The following CDH19 variants were observed in gnomAD, a reference collection of about 807,000 sequenced individuals.
CDH19 encodes the protein cadherin-19.
In CDH19, 67 loss-of-function variants were observed where a neutral mutation model predicts 64.2. The ratio of observed to expected loss-of-function variants is 1.04; its 90% CI spans 0.86 to 1.28. The LOEUF (loss-of-function observed/expected upper bound fraction) is 1.28, where lower values mean the gene tolerates loss of function less well. CDH19 is among the 50% of genes most tolerant of loss of function. CDH19 has a pLI of 0.00. For missense variants in CDH19, 1,030 were observed against 929.0 expected (o/e 1.11, Z -1.41); for synonymous variants, 346 against 319.3 (o/e 1.08, Z -0.89).
rs180973623 is a variant in CDH19, at chr18:66,537,689, C to T, written c.1215-2582G>A. ...ACAAGATGCTCCAGGATGATCTTGT[C>T]GTTTCCTTACAACAGCTCTGGATTC... is the stretch of plus-strand genomic sequence containing the variant. On this transcript the variant is annotated intron_variant, in intron 7 of 11. Transcript: ENST00000262150. 1.5e-4 allele frequency among the ~76,000 whole-genome samples: 23 copies of T among 152,058 alleles called. No homozygotes were observed. The East Asian group carries it at 3.5e-3, about 23-fold the overall frequency.
intron 3 of CDH19, among the ~76,000 whole-genome samples, chr18:66,561,701 C>G (rs1987729640): frequency 6.6e-6 from 1 of 151,972 alleles, no homozygotes; most frequent in Non-Finnish European, 1.5e-5. Context: ...ATCAAAATGA[C>G]TTGTAGTTTG....
intron 1 of CDH19, among the ~76,000 whole-genome samples, chr18:66,594,978 A>C (rs1415459455): frequency 1.3e-5 from 2 of 151,730 alleles, no homozygotes; most frequent in Admixed American, 6.6e-5. Context: ...CATATTGTGC[A>C]CATGTACCCT....
At chr18:66,547,894 C>T (rs150701559) in intron 5 of CDH19, among the ~76,000 whole-genome samples, 2,179 of 142,828 alleles carry the variant, frequency 0.015, 112 homozygotes, top group African/African-American at 0.057. Flanking sequence ...GTCTCGATCT[C>T]CTGACCTCGT....
intron 3 of CDH19, among the ~76,000 whole-genome samples, chr18:66,559,557 A>G (rs1377128894): frequency 6.6e-6 from 1 of 151,786 alleles, no homozygotes; most frequent in Non-Finnish European, 1.5e-5. Context: ...ATTAAAGTTA[A>G]TAATATTTTC....
At chr18:66,506,864 T>C (rs1211851128) in intron 11 of CDH19, among the ~76,000 whole-genome samples, 1 of 151,974 alleles carries the variant, frequency 6.6e-6, no homozygotes, top group Non-Finnish European at 1.5e-5. Flanking sequence ...TTAAAATATC[T>C]AAATTAAATA....
chr18:66,533,213 TACAC>T (rs35376051), intron 8 of CDH19, among the ~76,000 whole-genome samples: 116 of 148,936 alleles, frequency 7.8e-4, no homozygotes, highest in East Asian at 3.8e-3. Context: ...TAGGATTTAT[TACAC>T]ACACACACAC....
At position 66,544,798 on chromosome 18, in the gene CDH19, C is replaced by T; in HGVS notation, c.881G>A (p.Ser294Asn). 1.2e-6 allele frequency: 2 copies of T among 1,612,332 alleles called. No homozygotes were observed. Among genetic ancestry groups the T allele is most frequent in the South Asian group, 1.1e-5 (1 of 91,022 alleles). ...TGTTTGCGAATCATCCTCTTCAATG[C>T]TGTAATCCATTTCTGCATTCTCTCC... ...DIGENAEMDYSIEEDDSQTFD... is the reference protein window; with the variant it reads ...DIGENAEMDYNIEEDDSQTFD... The change falls in exon 6 of 12, where the codon AGC becomes AAC. Residue 294 changes from serine to asparagine, a missense_variant. Ser to Asn is a conservative substitution (Grantham distance 46). Transcript: ENST00000262150.
chr18:66,568,617 C>T lies in CDH19; in HGVS notation c.289G>A (p.Gly97Ser). The change falls in exon 3 of 12, where the codon GGT becomes AGT. Residue 97 changes from glycine (G) to serine (S), a missense_variant. Gly to Ser is a moderately conservative substitution (Grantham distance 56). Coordinates refer to ENST00000262150, the MANE Select transcript of CDH19 (RefSeq NM_021153.4). The part of the protein sequence containing the change: ...GSTFIIDERT[G>S]DIYAIQKLDR... ...AGCTTCTGTATGGCATATATGTCAC[C>T]TGTTCTTTCATCAATGATAAAAGTA... 6.2e-7 allele frequency: 1 copy of T among 1,611,872 alleles called. No homozygotes were observed. The highest frequency in any genetic ancestry group is 8.5e-7 in the Non-Finnish European group (1 of 1,178,632).
intron 7 of CDH19, among the ~76,000 whole-genome samples, chr18:66,542,457 C>T (rs1263807799): frequency 3.9e-5 from 6 of 152,028 alleles, no homozygotes; most frequent in Middle Eastern, 6.3e-3. Flanking sequence ...TTTTTATGCC[C>T]AACCAGACTA....
At chr18:66,573,924 A>ACAC (rs1988187562) in intron 1 of CDH19, among the ~76,000 whole-genome samples, 2 of 125,264 alleles carry the variant, frequency 1.6e-5, no homozygotes, top group African/African-American at 2.7e-5. Flanking sequence ...CACACACACA[A>ACAC]GTATACATGT....
At chr18:66,530,078 A>C (rs1485118499) in intron 8 of CDH19, 112 bp from the exon 9 acceptor site, 1 of 454,882 alleles carries the variant, frequency 2.2e-6, no homozygotes, top group African/African-American at 2.1e-5. Flanking sequence ...TTTACTTGAA[A>C]AAAGCAATCT....
At chr18:66,553,210 T>G (rs1257133311) in intron 4 of CDH19, among the ~76,000 whole-genome samples, 3 of 134,828 alleles carry the variant, frequency 2.2e-5, no homozygotes, top group African/African-American at 6.8e-5. Flanking sequence ...ATCTTGTTTT[T>G]GTTACTATTA....
chr18:66,508,399 G>A (rs201678836), intron 11 of CDH19, among the ~76,000 whole-genome samples: 28 of 147,592 alleles, frequency 1.9e-4, no homozygotes, highest in Admixed American at 6.1e-4. Context: ...TTACTGCGCT[G>A]TTTTTTTTTT....
At chr18:66,516,060 G>A (rs1393453671) in intron 9 of CDH19, among the ~76,000 whole-genome samples, 1 of 151,814 alleles carries the variant, frequency 6.6e-6, no homozygotes, top group Non-Finnish European at 1.5e-5. Flanking sequence ...AAATATTGGG[G>A]GGTCAGAGAA....
chr18:66,587,431 C>T (rs570455218), intron 1 of CDH19, among the ~76,000 whole-genome samples: 8 of 152,056 alleles, frequency 5.3e-5, no homozygotes, highest in Admixed American at 2.6e-4. Context: ...ATAAACTGTC[C>T]CTAAATTCTG....
Position 66,502,536 on chromosome 18 carries a change from C to G in CDH19, c.*2276G>C, listed in dbSNP as rs73966214. On this transcript the variant is annotated 3_prime_UTR_variant, in exon 12 of 12. Coordinates refer to ENST00000262150, the MANE Select transcript of CDH19 (RefSeq NM_021153.4). ...GTCTATTTTCCATGAATTCTTCCATCTGTTGTTTATCATACTTTTTAGTTT... is the reference window on the plus strand; with the variant it reads ...GTCTATTTTCCATGAATTCTTCCATGTGTTGTTTATCATACTTTTTAGTTT... 6.6e-6 allele frequency: 1 copy of G among 151,928 alleles called. No individual in the cohort carries two copies. Among genetic ancestry groups the G allele is most frequent in the South Asian group, 2.1e-4 (1 of 4,832 alleles). 9.4% of individuals were successfully genotyped at this position (151,928 alleles called of 1,614,324 possible).
chr18:66,522,288 G>C (rs935169359), intron 9 of CDH19, among the ~76,000 whole-genome samples: 2 of 151,270 alleles, frequency 1.3e-5, no homozygotes, highest in Non-Finnish European at 2.9e-5. Context: ...TGTTACCCAG[G>C]CTGGAGTGCA....
At chr18:66,572,366 C>A (rs1044951934) in intron 1 of CDH19, 50 bp from the exon 2 acceptor site, 2 of 480,006 alleles carry the variant, frequency 4.2e-6, no homozygotes, top group African/African-American at 1.9e-5. Context: ...ATAACATTTT[C>A]TCACATAATT....
intron 1 of CDH19, among the ~76,000 whole-genome samples, chr18:66,601,135 GTTTATC>G (rs1194160737): frequency 4.6e-5 from 7 of 151,672 alleles, no homozygotes; most frequent in African/African-American, 1.7e-4. Context: ...TACATTTTAT[GTTTATC>G]TTTATGTTTA....
Sources: allele counts gnomAD v4.1 joint callset (sites outside exome capture counted in the v4.1 genomes callset), GRCh38; gene constraint gnomAD v4.1.1; transcripts MANE v1.5; gene names NCBI Gene and HGNC (gene_info 2026-07-23, HGNC 2026-07-21).